The following CSMD1 variants were observed in gnomAD, a reference collection of about 807,000 sequenced individuals.
CSMD1 encodes the protein CUB and Sushi multiple domains 1.
Under a neutral mutation model 417.5 loss-of-function variants are expected in CSMD1, and 213 were observed. The observed-to-expected ratio is 0.51, with a 90% confidence interval of 0.46 to 0.57. The LOEUF is 0.57. CSMD1 is among the 20% of genes least tolerant of loss of function. CSMD1 has a pLI of 0.00. For missense variants in CSMD1, 6,923 were observed against 4,529.7 expected (o/e 1.53, Z -15.17); for synonymous variants, 2,862 against 1,736.8 (o/e 1.65, Z -16.11).
chr8:3,615,100 G>C (rs950366612), intron 8 of CSMD1, among the ~76,000 whole-genome samples: 1 of 152,116 alleles, frequency 6.6e-6, no homozygotes, highest in Non-Finnish European at 1.5e-5. Flanking sequence ...TATGATACTG[G>C]AAACCAGCAT....
At chr8:4,827,477 G>T (rs1025403267) in intron 1 of CSMD1, among the ~76,000 whole-genome samples, 2 of 152,054 alleles carry the variant, frequency 1.3e-5, no homozygotes, top group Non-Finnish European at 2.9e-5. Flanking sequence ...AAAACAAAGT[G>T]CACTTAAGAT....
At chr8:3,609,901 A>G (rs2469333) in intron 8 of CSMD1, among the ~76,000 whole-genome samples, 105,803 of 144,468 alleles carry the variant, frequency 0.73, 38,968 homozygotes, top group Middle Eastern at 0.83. Context: ...TCCTGGGTTC[A>G]AACGATTCTC....
At chr8:4,685,581 G>T (rs13269425) in intron 1 of CSMD1, among the ~76,000 whole-genome samples, 61,285 of 150,744 alleles carry the variant, frequency 0.41, 12,722 homozygotes, top group Admixed American at 0.54. Context: ...TTCTTTAAAA[G>T]AAAAAAAGAA....
At chr8:4,945,176 A>G (rs1808285539) in intron 1 of CSMD1, among the ~76,000 whole-genome samples, 3 of 152,212 alleles carry the variant, frequency 2.0e-5, no homozygotes. Flanking sequence ...GATCCCAAAT[A>G]CATGAGGTTT....
chr8:3,382,995 C>A (rs1274817742), intron 18 of CSMD1, among the ~76,000 whole-genome samples: 4 of 152,046 alleles, frequency 2.6e-5, no homozygotes, highest in African/African-American at 9.7e-5. Context: ...ACAAAGTCAG[C>A]CGAACAATGA....
intron 7 of CSMD1, among the ~76,000 whole-genome samples, chr8:3,656,514 G>C (rs2469388): frequency 0.92 from 139,422 of 152,276 alleles, 63,990 homozygotes; most frequent in African/African-American, 0.97. Context: ...GCAGTCCTCA[G>C]TCTTCTAATC....
intron 2 of CSMD1, among the ~76,000 whole-genome samples, chr8:4,582,195 A>G (rs1799454163): frequency 1.3e-5 from 2 of 152,062 alleles, no homozygotes; most frequent in South Asian, 4.1e-4. Context: ...GGTTTGTCAT[A>G]TATCTGACAC....
chr8:4,516,497 A>AT, intron 2 of CSMD1, among the ~76,000 whole-genome samples: 1 of 152,096 alleles, frequency 6.6e-6, no homozygotes, highest in Middle Eastern at 3.4e-3. Flanking sequence ...GGGCCCTTCT[A>AT]TGATCCCCCT....
chr8:3,990,212 G>T (rs972491628), intron 5 of CSMD1, among the ~76,000 whole-genome samples: 1 of 152,072 alleles, frequency 6.6e-6, no homozygotes. Flanking sequence ...CAAACAACAG[G>T]TATTTCATAG....
chr8:4,111,072 C>G (rs189782369), intron 3 of CSMD1, among the ~76,000 whole-genome samples: 2 of 152,120 alleles, frequency 1.3e-5, no homozygotes, highest in African/African-American at 2.4e-5. Context: ...ATGGAAAAAT[C>G]TGGTAGAAAT....
intron 33 of CSMD1, among the ~76,000 whole-genome samples, chr8:3,197,993 A>G (rs1224330781): frequency 6.6e-6 from 1 of 152,214 alleles, no homozygotes; most frequent in Non-Finnish European, 1.5e-5. Context: ...AGAAATTTAT[A>G]AAATATTGAG....
chr8:3,390,880 G>A (rs776502506), intron 17 of CSMD1, among the ~76,000 whole-genome samples: 2 of 152,182 alleles, frequency 1.3e-5, no homozygotes, highest in East Asian at 1.9e-4. Flanking sequence ...GCTTAGAGAT[G>A]TCACTTCTCA....
At chr8:3,302,907 C>T (rs753406304) in intron 25 of CSMD1, among the ~76,000 whole-genome samples, 15 of 152,132 alleles carry the variant, frequency 9.9e-5, no homozygotes, top group Non-Finnish European at 1.8e-4. Context: ...TTGCAGGTTT[C>T]TTTCCTCTGA....
intron 6 of CSMD1, among the ~76,000 whole-genome samples, chr8:3,739,025 T>A (rs568328436): frequency 1.3e-5 from 2 of 152,350 alleles, no homozygotes; most frequent in East Asian, 1.9e-4. Flanking sequence ...AACTATGTCT[T>A]TCTTTTTTCT....
intron 3 of CSMD1, among the ~76,000 whole-genome samples, chr8:4,248,584 C>G (rs1321472263): frequency 6.6e-6 from 1 of 152,196 alleles, no homozygotes; most frequent in Non-Finnish European, 1.5e-5. Context: ...TCACCTCCTT[C>G]AAATCTGTGT....
rs970061312 is a variant in CSMD1 at position 4,967,706 on chromosome 8, T to C, written c.85+26626A>G. On this transcript the variant is annotated intron_variant, in intron 1 of 69. Transcript: ENST00000635120. ...CATTTCTTCCTCAAATGTTAATAAG[T>C]CTGTGTGTGTGTCGTTCACATAGCA... is the stretch of plus-strand genomic sequence containing the variant. Among the ~76,000 whole-genome samples, 5 of 152,330 alleles carry C rather than the reference T, an allele frequency of 3.3e-5. No homozygotes were observed. The South Asian group carries it at 1.0e-3, about 32-fold the overall frequency.
At chr8:3,241,242 T>C (rs1343586974) in intron 26 of CSMD1, among the ~76,000 whole-genome samples, 10 of 150,086 alleles carry the variant, frequency 6.7e-5, no homozygotes, top group East Asian at 5.8e-4. Context: ...TAAAAGAGTA[T>C]TGTCTAAGCT....
intron 3 of CSMD1, among the ~76,000 whole-genome samples, chr8:4,412,999 G>A (rs1377236346): frequency 1.3e-5 from 2 of 152,174 alleles, no homozygotes; most frequent in African/African-American, 4.8e-5. Flanking sequence ...GTAGTTATGA[G>A]ATTTTTGACA....
intron 38 of CSMD1, among the ~76,000 whole-genome samples, chr8:3,161,490 G>A (rs1245929256): frequency 6.6e-6 from 1 of 151,874 alleles, no homozygotes; most frequent in Non-Finnish European, 1.5e-5. Flanking sequence ...GGTGGCAGGT[G>A]CCTGTAATAC....
Sources: allele counts gnomAD v4.1 joint callset (sites outside exome capture counted in the v4.1 genomes callset), GRCh38; gene constraint gnomAD v4.1.1; transcripts MANE v1.5; gene names NCBI Gene and HGNC (gene_info 2026-07-23, HGNC 2026-07-21).